The following ABL2 variants were observed in gnomAD, a reference collection of about 807,000 sequenced individuals.
ABL2 encodes tyrosine-protein kinase ABL2.
A neutral mutation model predicts 107.7 loss-of-function variants in ABL2; 49 were observed. The observed-to-expected ratio is 0.45, with a 90% CI of 0.36 to 0.58. The LOEUF is 0.58. Ranked by LOEUF, ABL2 falls within the 20% of genes least tolerant of loss-of-function variation. The probability of loss-of-function intolerance (pLI) is 0.00; values close to 1 mark genes in which losing one functional copy is unlikely to be tolerated. For synonymous variants in ABL2, 549 were observed against 548.6 expected, an observed-to-expected ratio of 1.00 and a Z score of -0.01; for missense variants, 1,245 against 1,457.0, an observed-to-expected ratio of 0.85 and a Z score of 2.37.
At chr1:179,170,618 G>C (rs1411514498) in intron 1 of ABL2, among the ~76,000 whole-genome samples, 4 of 151,528 alleles carry the variant, frequency 2.6e-5, no homozygotes, top group African/African-American at 9.7e-5. Flanking sequence ...TATTTTGAGA[G>C]GGAGTCTCGC....
intron 5 of ABL2, 99 bp downstream of exon 5, chr1:179,121,496 G>A: frequency 6.8e-7 from 1 of 1,468,582 alleles, no homozygotes; most frequent in Non-Finnish European, 9.3e-7. Flanking sequence ...ACTAGTGGGT[G>A]GAAAGTGTTC....
chr1:179,211,511 C>T (rs1239063969), intron 1 of ABL2, among the ~76,000 whole-genome samples: 2 of 150,946 alleles, frequency 1.3e-5, no homozygotes, highest in African/African-American at 2.4e-5. Flanking sequence ...AGTGAGATCC[C>T]GTCTCAAAAA....
intron 1 of ABL2, among the ~76,000 whole-genome samples, chr1:179,137,016 T>A (rs1412842462): frequency 6.6e-6 from 1 of 151,992 alleles, no homozygotes; most frequent in African/African-American, 2.4e-5. Flanking sequence ...GAGTTTCATA[T>A]TCCCTTCTCT....
intron 1 of ABL2, among the ~76,000 whole-genome samples, chr1:179,160,108 C>A (rs991491869): frequency 6.6e-6 from 1 of 152,038 alleles, no homozygotes; most frequent in Non-Finnish European, 1.5e-5. Context: ...AGTGAGACTC[C>A]ACCTCAAGAA....
chr1:179,120,416 A>G (rs1655077693), intron 5 of ABL2, 142 bp from the exon 6 acceptor site: 7 of 414,044 alleles, frequency 1.7e-5, no homozygotes, highest in Non-Finnish European at 2.5e-5. Flanking sequence ...ATTACAAGAT[A>G]TAATTATTAT....
chr1:179,193,984 G>C (rs994951233), intron 1 of ABL2, among the ~76,000 whole-genome samples: 3 of 152,074 alleles, frequency 2.0e-5, no homozygotes, highest in Admixed American at 2.0e-4. Context: ...TTAAGTGATA[G>C]CAACAACTGG....
chr1:179,210,523 A>G (rs1662213388), intron 1 of ABL2, among the ~76,000 whole-genome samples: 1 of 149,280 alleles, frequency 6.7e-6, no homozygotes, highest in Non-Finnish European at 1.5e-5. Flanking sequence ...AAAAAAGAAA[A>G]AAAAAAGCTT....
intron 1 of ABL2, among the ~76,000 whole-genome samples, chr1:179,180,584 A>T (rs1488725342): frequency 6.6e-6 from 1 of 152,204 alleles, no homozygotes; most frequent in African/African-American, 2.4e-5. Flanking sequence ...GAAAAGTAAC[A>T]GAGAAGAAAG....
chr1:179,099,385 T>C lies in ABL2; in HGVS notation c.*8333A>G, dbSNP rs140965212. Reference sequence around the variant, plus strand: ...AAAACAGAACACAACTTGGCAAACCTTGTGAGAAGACAGAGAAAGCAGTCC... The same window carrying C: ...AAAACAGAACACAACTTGGCAAACCCTGTGAGAAGACAGAGAAAGCAGTCC... On this transcript the variant is annotated 3_prime_UTR_variant, in exon 12 of 12. Coordinates refer to ENST00000502732, the MANE Select transcript of ABL2 (RefSeq NM_007314.4). 2.0e-3 allele frequency: 405 copies of C among 207,256 alleles called. 5 individuals are homozygous for C. The highest frequency in any genetic ancestry group is 8.9e-3 in the African/African-American group (391 of 44,012). The allele number at this position is 207,256 out of a possible 1,614,324, so 12.8% of individuals were successfully genotyped here. A position where few individuals can be genotyped will look rare whatever the true frequency, so the allele number is the denominator to read the frequency against.
At chr1:179,182,236 C>G (rs1000032422) in intron 1 of ABL2, among the ~76,000 whole-genome samples, 1 of 152,040 alleles carries the variant, frequency 6.6e-6, no homozygotes, top group Non-Finnish European at 1.5e-5. Context: ...GAACCACAAG[C>G]TGGGTAAATT....
chr1:179,202,124 TA>T (rs1160384810), intron 1 of ABL2, among the ~76,000 whole-genome samples: 1 of 151,984 alleles, frequency 6.6e-6, no homozygotes, highest in Non-Finnish European at 1.5e-5. Flanking sequence ...CACACTGGGA[TA>T]AATATCATTT....
intron 1 of ABL2, among the ~76,000 whole-genome samples, chr1:179,203,729 G>A (rs1571312289): frequency 6.6e-6 from 1 of 152,050 alleles, no homozygotes. Context: ...TATGAAATTG[G>A]GATAAGAGAA....
rs1214253333 is a variant in ABL2, at chr1:179,103,248, A to T, written c.*4470T>A. 2 of 209,354 alleles carry T rather than the reference A, an allele frequency of 9.6e-6. No homozygotes were observed. The highest frequency in any genetic ancestry group is 1.2e-4 in the Admixed American group (2 of 16,936). 13.0% of individuals were successfully genotyped at this position (209,354 alleles called of 1,614,324 possible). On this transcript the variant is annotated 3_prime_UTR_variant, in exon 12 of 12. Transcript: ENST00000502732. ...TAGCAAACACTTGCTATACCTGCTC[A>T]TACCTGTTAAGCAGTTTCATATTTC...
At position 179,229,629 on chromosome 1, in the gene ABL2, CCAA is replaced by C. The variant is rs1406567141; in HGVS notation, c.-235_-233del. 1 of 513,888 alleles carries C rather than the reference CCAA, an allele frequency of 1.9e-6. No homozygotes were observed. The highest frequency in any genetic ancestry group is 2.1e-5 in the African/African-American group (1 of 48,588). The allele number at this position is 513,888 out of a possible 1,614,324, so 31.8% of individuals were successfully genotyped here. On this transcript the variant is annotated 5_prime_UTR_variant, in exon 1 of 12. Transcript: ENST00000502732. ...CTCCTCCTGTCGCGGCTCCGCGCCC[CCAA>C]CGCCGCCGCCGCCGCCGCCGCCACC... is the stretch of plus-strand genomic sequence containing the variant.
chr1:179,174,068 T>G (rs918465131), intron 1 of ABL2, among the ~76,000 whole-genome samples: 13 of 151,192 alleles, frequency 8.6e-5, no homozygotes, highest in African/African-American at 1.5e-4. Context: ...GGTGGGCGGA[T>G]CACAAGGTCA....
intron 1 of ABL2, among the ~76,000 whole-genome samples, chr1:179,186,237 G>T (rs1054835174): frequency 6.6e-6 from 1 of 151,746 alleles, no homozygotes; most frequent in South Asian, 2.1e-4. Flanking sequence ...AGAGGGAGAC[G>T]CTGTCTTAAA....
At chr1:179,215,109 G>A (rs1401856635) in intron 1 of ABL2, among the ~76,000 whole-genome samples, 4 of 151,116 alleles carry the variant, frequency 2.6e-5, no homozygotes, top group East Asian at 3.9e-4. Context: ...GCAATGAGCC[G>A]AGATCATACC....
intron 1 of ABL2, among the ~76,000 whole-genome samples, chr1:179,212,326 ATAC>A (rs1356886666): frequency 6.6e-6 from 1 of 152,236 alleles, no homozygotes; most frequent in African/African-American, 2.4e-5. Context: ...AATCATTTAA[ATAC>A]TACTGAGTGC....
At chr1:179,199,122 C>T (rs561029183) in intron 1 of ABL2, among the ~76,000 whole-genome samples, 17 of 152,082 alleles carry the variant, frequency 1.1e-4, no homozygotes, top group Admixed American at 2.0e-4. Flanking sequence ...AGATTACACG[C>T]GTGAGCCACC....
Sources: gnomAD v4.1 joint callset for allele counts (sites outside exome capture counted in the v4.1 genomes callset) on GRCh38, gnomAD v4.1.1 for gene constraint, MANE v1.5 for transcripts, NCBI Gene and HGNC (gene_info 2026-07-23, HGNC 2026-07-21) for gene names.